TULP4: variants seen among roughly 807,000 people sequenced by gnomAD.
TULP4 encodes TUB like protein 4.
Under a neutral mutation model 129.0 loss-of-function variants are expected in TULP4, and 16 were observed. The observed-to-expected ratio is 0.12, with a 90% confidence interval of 0.08 to 0.19. The LOEUF is 0.19. Ranked by LOEUF, TULP4 falls within the 10% of genes least tolerant of loss-of-function variation. The probability of loss-of-function intolerance (pLI) is 1.00; values close to 1 mark genes in which losing one functional copy is unlikely to be tolerated. For missense variants in TULP4, 1,842 were observed against 2,059.1 expected, an observed-to-expected ratio of 0.89 and a Z score of 2.04; for synonymous variants, 998 against 854.0, an observed-to-expected ratio of 1.17 and a Z score of -2.94.
chr6:158,289,841 A>G (rs1254570372), intron 1 of TULP4, among the ~76,000 whole-genome samples: 2 of 151,616 alleles, frequency 1.3e-5, no homozygotes, highest in South Asian at 2.1e-4. Context: ...CTGGCCTCCT[A>G]AAGTGTTGGG....
chr6:158,451,051 C>A (rs191965537), intron 4 of TULP4, among the ~76,000 whole-genome samples: 17 of 151,488 alleles, frequency 1.1e-4, no homozygotes, highest in South Asian at 8.4e-4. Context: ...GGCAACAGAG[C>A]AAGTCTCCGT....
At chr6:158,246,557 C>A (rs906720023) in intron 1 of TULP4, among the ~76,000 whole-genome samples, 1 of 151,926 alleles carries the variant, frequency 6.6e-6, no homozygotes, top group African/African-American at 2.4e-5. Flanking sequence ...TATAAAATGA[C>A]TGCAAACTCT....
upstream of TULP4, among the ~76,000 whole-genome samples, chr6:158,278,249 C>T (rs1479141576): frequency 2.0e-5 from 3 of 152,170 alleles, no homozygotes; most frequent in African/African-American, 7.2e-5. Context: ...GGTGTCTGGC[C>T]TGTACTGTGT....
intron 1 of TULP4, among the ~76,000 whole-genome samples, chr6:158,319,700 T>C (rs1463035995): frequency 6.6e-6 from 1 of 152,276 alleles, no homozygotes; most frequent in Non-Finnish European, 1.5e-5. Context: ...TTTGGAATTA[T>C]AAATGTATTC....
intron 1 of TULP4, among the ~76,000 whole-genome samples, chr6:158,292,901 C>T (rs1778969569): frequency 6.6e-6 from 1 of 152,134 alleles, no homozygotes; most frequent in African/African-American, 2.4e-5. Flanking sequence ...TGACATGTGA[C>T]ACAGGCTATT....
At position 158,494,440 on chromosome 6, in the gene TULP4, G is replaced by A. The variant is rs938510532; in HGVS notation, c.1777-313G>A. ...ACCAATGCAACCGATGTTTTCAGGC[G>A]AAATATCAAAGATAAAAATGGATTC... On this transcript the variant is annotated intron_variant, in intron 10 of 13. Transcript: ENST00000367097. Among the ~76,000 whole-genome samples, 11 of 152,112 alleles carry A rather than the reference G, an allele frequency of 7.2e-5. No homozygotes were observed. In the East Asian group the frequency reaches 7.7e-4, roughly 11 times the overall value.
At chr6:158,337,866 A>C (rs945173756) in intron 1 of TULP4, among the ~76,000 whole-genome samples, 38 of 152,256 alleles carry the variant, frequency 2.5e-4, no homozygotes, top group African/African-American at 9.1e-4. Context: ...AGAAGAAACC[A>C]GAGGAATATC....
intron 1 of TULP4, among the ~76,000 whole-genome samples, chr6:158,254,789 C>T (rs1490645765): frequency 1.3e-5 from 2 of 152,266 alleles, no homozygotes; most frequent in Admixed American, 1.3e-4. Context: ...CTCTGTGTTC[C>T]GGCCAGGTGC....
intron 11 of TULP4, among the ~76,000 whole-genome samples, chr6:158,495,607 A>G (rs1213421302): frequency 6.6e-6 from 1 of 152,174 alleles, no homozygotes; most frequent in African/African-American, 2.4e-5. Flanking sequence ...CTTTGGGAAT[A>G]CAAGGTTGGC....
chr6:158,239,389 G>A (rs1244192928), intron 1 of TULP4, among the ~76,000 whole-genome samples: 4 of 67,286 alleles, frequency 5.9e-5, no homozygotes, highest in African/African-American at 9.1e-5. Flanking sequence ...CCTCCCGGAC[G>A]GGGCGGCTGG....
chr6:158,429,529 T>C (rs1778583162), intron 2 of TULP4, among the ~76,000 whole-genome samples: 1 of 152,232 alleles, frequency 6.6e-6, no homozygotes, highest in East Asian at 1.9e-4. Flanking sequence ...ATCCTCTCAC[T>C]TTGGCTTCCC....
At chr6:158,410,818 A>G (rs1392059013) in intron 1 of TULP4, among the ~76,000 whole-genome samples, 1 of 152,188 alleles carries the variant, frequency 6.6e-6, no homozygotes, top group Non-Finnish European at 1.5e-5. Context: ...AACTAAGCTA[A>G]AAAAATGAAT....
chr6:158,246,722 TC>T (rs1167853111), intron 1 of TULP4, among the ~76,000 whole-genome samples: 2 of 152,210 alleles, frequency 1.3e-5, no homozygotes, highest in Non-Finnish European at 2.9e-5. Flanking sequence ...ATGCCCTTTT[TC>T]CTTTTAAATA....
rs541334139 is a variant in TULP4 at position 158,365,567 on chromosome 6, C to T, written c.253-47498C>T. Among the ~76,000 whole-genome samples, 240 of 151,294 alleles carry T rather than the reference C, an allele frequency of 1.6e-3. 1 individual carries two copies. Among genetic ancestry groups the T allele is most frequent in the Non-Finnish European group, 2.8e-3 (193 of 67,890 alleles). On this transcript the variant is annotated intron_variant, in intron 1 of 13. Transcript: ENST00000367097. ...TCTCAGCTCACTGCAAGCTCCGCCTCGCAGGTTCACGCCATTCTCCTGCCT... is the reference window on the plus strand; with the variant it reads ...TCTCAGCTCACTGCAAGCTCCGCCTTGCAGGTTCACGCCATTCTCCTGCCT...
At chr6:158,480,068 G>A (rs1181924305) in intron 7 of TULP4, 93 bp downstream of exon 7, 5 of 984,388 alleles carry the variant, frequency 5.1e-6, no homozygotes, top group Admixed American at 2.2e-5. Flanking sequence ...ACCAGAGTGA[G>A]CACATGGGGC....
At chr6:158,309,757 G>C (rs945339650), upstream of TULP4, among the ~76,000 whole-genome samples, 1 of 151,360 alleles carries the variant, frequency 6.6e-6, no homozygotes, top group African/African-American at 2.4e-5. Context: ...CAGGCGTGGC[G>C]GCGCGCCTGC....
chr6:158,368,079 A>AAAAAAAAAAAAAAG, intron 1 of TULP4, among the ~76,000 whole-genome samples: 1 of 150,184 alleles, frequency 6.7e-6, no homozygotes, highest in Non-Finnish European at 1.5e-5. Context: ...AAAAAAAAAA[A>AAAAAAAAAAAAAAG]AAAAAAAAAG....
chr6:158,427,533 C>T (rs1433702260), intron 2 of TULP4, among the ~76,000 whole-genome samples: 8 of 107,052 alleles, frequency 7.5e-5, no homozygotes, highest in South Asian at 6.9e-4. Flanking sequence ...CTCGCTCTGT[C>T]GCCAGGCTGG....
intron 11 of TULP4, among the ~76,000 whole-genome samples, chr6:158,496,071 G>A (rs1780330558): frequency 6.6e-6 from 1 of 152,164 alleles, no homozygotes; most frequent in African/African-American, 2.4e-5. Flanking sequence ...AGACAGTAAT[G>A]ACGTGAAAAT....
Sources: allele counts gnomAD v4.1 joint callset (sites outside exome capture counted in the v4.1 genomes callset), GRCh38; gene constraint gnomAD v4.1.1; transcripts MANE v1.5; gene names NCBI Gene and HGNC (gene_info 2026-07-23, HGNC 2026-07-21).